Variants in GRID1 observed in about 807,000 individuals in gnomAD.
The protein encoded by GRID1 is glutamate receptor ionotropic, delta-1.
GRID1 carries 28 observed loss-of-function variants against 98.0 expected under a neutral mutation model. The observed-to-expected ratio is 0.29, with a 90% CI of 0.21 to 0.39. GRID1 has a LOEUF of 0.39. Among genes scored for constraint, GRID1 ranks in the 10% least tolerant of loss-of-function variants. GRID1 has a pLI of 1.00. For synonymous variants in GRID1, 553 were observed against 538.5 expected (o/e 1.03, Z -0.37); for missense variants, 1,111 against 1,340.5 (o/e 0.83, Z 2.67).
At chr10:85,795,840 C>T (rs1842521880) in intron 8 of GRID1, among the ~76,000 whole-genome samples, 1 of 152,148 alleles carries the variant, frequency 6.6e-6, no homozygotes, top group African/African-American at 2.4e-5. Flanking sequence ...CAACAGTAAA[C>T]AACATCTTCC....
intron 4 of GRID1, among the ~76,000 whole-genome samples, chr10:86,128,690 C>A (rs1482175642): frequency 6.6e-6 from 1 of 152,186 alleles, no homozygotes; most frequent in East Asian, 1.9e-4. Context: ...CCAGCCCAAT[C>A]CCTGATGTCA....
intron 6 of GRID1, among the ~76,000 whole-genome samples, chr10:85,865,259 G>C (rs1430779523): frequency 6.6e-6 from 1 of 152,152 alleles, no homozygotes; most frequent in Non-Finnish European, 1.5e-5. Flanking sequence ...GGAGCACTAG[G>C]GGTCACATAT....
intron 8 of GRID1, among the ~76,000 whole-genome samples, chr10:85,834,305 A>G (rs1202224248): frequency 6.6e-6 from 1 of 152,240 alleles, no homozygotes; most frequent in African/African-American, 2.4e-5. Flanking sequence ...AATCAGTAGA[A>G]AATGGCATAA....
chr10:86,217,025 A>C (rs550761069), intron 2 of GRID1, among the ~76,000 whole-genome samples: 45 of 152,150 alleles, frequency 3.0e-4, no homozygotes, highest in Non-Finnish European at 5.0e-4. Flanking sequence ...GCTGCAGACA[A>C]GTGGGAGAGG....
At position 86,291,571 on chromosome 10, in the gene GRID1, G is replaced by A. The variant is rs150940650; in HGVS notation, c.235+72370C>T. 1.9e-3 allele frequency among the ~76,000 whole-genome samples: 287 copies of A among 152,240 alleles called. 1 individual carries two copies. The highest frequency in any genetic ancestry group is 6.4e-3 in the African/African-American group (264 of 41,546). On this transcript the variant is annotated intron_variant, in intron 2 of 15. Transcript: ENST00000327946. Reference sequence around the variant, plus strand: ...TTCAGCACAGGCCATCCACCTCCAGGAAGCCCTCCAGACACCTTCTCCTGA... The same window carrying A: ...TTCAGCACAGGCCATCCACCTCCAGAAAGCCCTCCAGACACCTTCTCCTGA...
At chr10:86,179,328 T>C (rs1453115773) in intron 3 of GRID1, among the ~76,000 whole-genome samples, 4 of 151,442 alleles carry the variant, frequency 2.6e-5, no homozygotes, top group Non-Finnish European at 5.9e-5. Context: ...TCCATCTTTC[T>C]CCTTGCTCTC....
chr10:86,041,158 C>G (rs1843339682), intron 4 of GRID1, among the ~76,000 whole-genome samples: 1 of 152,318 alleles, frequency 6.6e-6, no homozygotes, highest in Non-Finnish European at 1.5e-5. Flanking sequence ...TTCATCCACA[C>G]GGAGACCTCC....
intron 8 of GRID1, among the ~76,000 whole-genome samples, chr10:85,851,983 C>G (rs906887514): frequency 6.6e-6 from 1 of 152,058 alleles, no homozygotes; most frequent in African/African-American, 2.4e-5. Flanking sequence ...CCCGAAACTA[C>G]CACTCAGCTC....
At chr10:85,946,269 C>G (rs898581701) in intron 4 of GRID1, among the ~76,000 whole-genome samples, 1 of 152,166 alleles carries the variant, frequency 6.6e-6, no homozygotes, top group Non-Finnish European at 1.5e-5. Flanking sequence ...AAAAAGTAAT[C>G]AGCTAATGGT....
intron 4 of GRID1, among the ~76,000 whole-genome samples, chr10:86,069,975 A>G (rs1235610048): frequency 2.0e-5 from 3 of 152,126 alleles, no homozygotes; most frequent in Admixed American, 2.0e-4. Context: ...CTCCTGGGTC[A>G]TTGTGGGTCG....
chr10:86,254,799 G>T (rs1021895343), intron 2 of GRID1, among the ~76,000 whole-genome samples: 7 of 152,232 alleles, frequency 4.6e-5, no homozygotes, highest in Admixed American at 2.6e-4. Flanking sequence ...AAATGCCTAG[G>T]AGACAAGAGT....
At chr10:86,211,308 G>A (rs1004033742) in intron 2 of GRID1, among the ~76,000 whole-genome samples, 1 of 152,194 alleles carries the variant, frequency 6.6e-6, no homozygotes, top group African/African-American at 2.4e-5. Flanking sequence ...TGTCTCTCTT[G>A]ATTACAACAC....
Position 85,727,840 on chromosome 10 carries a change from G to A in GRID1, c.1533+15C>T, listed in dbSNP as rs763082439. 1 of 1,599,322 alleles carries A rather than the reference G, an allele frequency of 6.3e-7. No individual in the cohort carries two copies. The highest frequency in any genetic ancestry group is 1.3e-5 in the African/African-American group (1 of 74,740). The stretch of plus-strand genomic sequence containing the variant: ...CTAGGGTGCCCCTCCCCCTGGATCT[G>A]CTATGGGGACCTACCTTGCTGATGA... On this transcript the variant is annotated intron_variant, in intron 10 of 15. Transcript: ENST00000327946.
At chr10:85,664,671 A>G (rs1374116944) in intron 12 of GRID1, among the ~76,000 whole-genome samples, 1 of 152,170 alleles carries the variant, frequency 6.6e-6, no homozygotes, top group Non-Finnish European at 1.5e-5. Flanking sequence ...GCAATATTAG[A>G]ATCTGAGGTT....
chr10:85,971,231 T>A (rs1462857474), intron 4 of GRID1, among the ~76,000 whole-genome samples: 2 of 151,900 alleles, frequency 1.3e-5, no homozygotes, highest in Non-Finnish European at 2.9e-5. Flanking sequence ...TAAAAATAAA[T>A]AAGCTTCTAA....
chr10:86,233,997 C>A (rs1186417553), intron 2 of GRID1, among the ~76,000 whole-genome samples: 1 of 152,028 alleles, frequency 6.6e-6, no homozygotes, highest in Non-Finnish European at 1.5e-5. Context: ...TGCCTCCTTG[C>A]TGGGTTGACT....
chr10:86,084,895 T>C (rs1440521728), intron 4 of GRID1, among the ~76,000 whole-genome samples: 1 of 152,146 alleles, frequency 6.6e-6, no homozygotes, highest in Non-Finnish European at 1.5e-5. Flanking sequence ...TGGGGAGTTA[T>C]TGTTTCATGG....
intron 4 of GRID1, among the ~76,000 whole-genome samples, chr10:86,018,992 A>G (rs1269639181): frequency 6.6e-6 from 1 of 152,252 alleles, no homozygotes; most frequent in Admixed American, 6.5e-5. Flanking sequence ...GCTCCAAATC[A>G]GAAGGCACAG....
chr10:86,322,703 G>T (rs1847987554), intron 2 of GRID1, among the ~76,000 whole-genome samples: 1 of 151,266 alleles, frequency 6.6e-6, no homozygotes. Flanking sequence ...GAGCCACCTT[G>T]CCCGGCCTTG....
Sources: allele counts gnomAD v4.1 joint callset (sites outside exome capture counted in the v4.1 genomes callset), GRCh38; gene constraint gnomAD v4.1.1; transcripts MANE v1.5; gene names NCBI Gene and HGNC (gene_info 2026-07-23, HGNC 2026-07-21).